TERF2IP: variants seen among roughly 807,000 people sequenced by gnomAD.
TERF2IP encodes the protein telomeric repeat-binding factor 2-interacting protein 1.
TERF2IP carries 35 observed loss-of-function variants against 33.3 expected under a neutral mutation model. The observed-to-expected ratio is 1.05, with a 90% CI of 0.80 to 1.39. TERF2IP has a LOEUF of 1.39. TERF2IP is among the 40% of genes most tolerant of loss of function. TERF2IP has a pLI of 0.00. For synonymous variants in TERF2IP, 253 were observed against 223.2 expected, an observed-to-expected ratio of 1.13 and a Z score of -1.19; for missense variants, 583 against 524.8, an observed-to-expected ratio of 1.11 and a Z score of -1.08.
At chr16:75,648,705 C>G (rs2082323340) in intron 1 of TERF2IP, 153 bp downstream of exon 1, 7 of 1,431,914 alleles carry the variant, frequency 4.9e-6, no homozygotes, top group Middle Eastern at 1.8e-4. Flanking sequence ...CATTTTCTTG[C>G]CTTCTCGCTC....
At chr16:75,648,593 G>A in intron 1 of TERF2IP, 41 bp downstream of exon 1, 1 of 1,486,044 alleles carries the variant, frequency 6.7e-7, no homozygotes, top group Non-Finnish European at 9.0e-7. Flanking sequence ...TATCTGCGCG[G>A]GTGGGGTTGG....
chr16:75,648,711 C>G (rs1162165720), intron 1 of TERF2IP, 159 bp downstream of exon 1: 22 of 1,431,488 alleles, frequency 1.5e-5, no homozygotes, highest in Non-Finnish European at 1.9e-5. Context: ...CTTGCCTTCT[C>G]GCTCCCTTGT....
chr16:75,654,993 G>A (rs1278453787), intron 2 of TERF2IP, among the ~76,000 whole-genome samples: 1 of 151,656 alleles, frequency 6.6e-6, no homozygotes, highest in Non-Finnish European at 1.5e-5. Flanking sequence ...CTCCCAAAGT[G>A]CTGGGATTAC....
rs768633460 is a variant in TERF2IP, at chr16:75,647,962, G to C, written c.80G>C (p.Ser27Thr). 8.7e-6 allele frequency: 14 copies of C among 1,613,808 alleles called. No homozygotes were observed. Among genetic ancestry groups the C allele is most frequent in the Middle Eastern group, 1.7e-4 (1 of 6,060 alleles). The change falls in exon 1 of 3, where the codon AGC becomes ACC. Residue 27 changes from serine to threonine, a missense_variant. Physicochemically the swap from Ser to Thr is moderately conservative, Grantham distance 58. Transcript: ENST00000300086. ...SSTLFVRDDG[S>T]SMSFYVRPSP... is the part of the protein sequence containing the mutation. ...ACTCTGTTCGTGAGGGACGACGGCAGCTCCATGTCCTTCTACGTGCGGCCC... is the reference window on the plus strand; with the variant it reads ...ACTCTGTTCGTGAGGGACGACGGCACCTCCATGTCCTTCTACGTGCGGCCC...
At position 75,656,677 on chromosome 16, in the gene TERF2IP, A is replaced by G. The variant is rs2082389785; in HGVS notation, c.*66A>G. 2 of 1,460,732 alleles carry G rather than the reference A, an allele frequency of 1.4e-6. No individual in the cohort carries two copies. Among genetic ancestry groups the G allele is most frequent in the Admixed American group, 2.2e-5 (1 of 45,332 alleles). 90.5% of individuals were successfully genotyped at this position (1,460,732 alleles called of 1,614,324 possible). A position where few individuals can be genotyped will look rare whatever the true frequency, so the allele number is the denominator to read the frequency against. On this transcript the variant is annotated 3_prime_UTR_variant, in exon 3 of 3. Coordinates refer to ENST00000300086, the MANE Select transcript of TERF2IP (RefSeq NM_018975.4). ...AGGTGGTTAAAAAAAATTGTGACCA[A>G]TGAACTTTAGAGAGTTCTTGCATTG...
chr16:75,648,861 G>A (rs2082324932), intron 1 of TERF2IP, among the ~76,000 whole-genome samples: 1 of 150,648 alleles, frequency 6.6e-6, no homozygotes, highest in Non-Finnish European at 1.5e-5. Context: ...GCCTCTCGTC[G>A]TTTTTATTTT....
At chr16:75,655,942 A>T (rs1288612028) in intron 2 of TERF2IP, among the ~76,000 whole-genome samples, 1 of 152,134 alleles carries the variant, frequency 6.6e-6, no homozygotes, top group Non-Finnish European at 1.5e-5. Context: ...ACTATAGTCA[A>T]TTATACACAC....
At chr16:75,653,979 C>G (rs575408571) in intron 1 of TERF2IP, among the ~76,000 whole-genome samples, 3 of 152,128 alleles carry the variant, frequency 2.0e-5, no homozygotes, top group African/African-American at 7.2e-5. Context: ...AAGTCTGTAA[C>G]TACAAAGCAA....
rs140028318 is a variant in TERF2IP at position 75,654,436 on chromosome 16, C to T, written c.795+39C>T. ...ATTTACTCATTATTTTTTTCCCTAC[C>T]TTCATTCTTCTTTGAAACTGGTTAT... On this transcript the variant is annotated intron_variant, in intron 2 of 2. Transcript: ENST00000300086. 1.7e-3 allele frequency: 2,766 copies of T among 1,595,218 alleles called. 52 individuals are homozygous for T. The highest frequency in any genetic ancestry group is 7.5e-3 in the East Asian group (332 of 44,442).
At chr16:75,653,647 G>A (rs1314375571) in intron 1 of TERF2IP, among the ~76,000 whole-genome samples, 1 of 152,124 alleles carries the variant, frequency 6.6e-6, no homozygotes, top group Non-Finnish European at 1.5e-5. Context: ...TCTGCCTTTG[G>A]CTGCTAGGAG....
rs1306786292 is a variant in TERF2IP, at chr16:75,654,517, A to G, written c.795+120A>G. The G allele has an allele frequency of 4.6e-6, 5 of 1,093,744 alleles. No individual in the cohort carries two copies. The African/African-American group carries it at 6.3e-5, about 14-fold the overall frequency. The allele number at this position is 1,093,744 out of a possible 1,614,324, so 67.8% of individuals were successfully genotyped here. On this transcript the variant is annotated intron_variant, in intron 2 of 2. Coordinates refer to ENST00000300086, the MANE Select transcript of TERF2IP (RefSeq NM_018975.4). ...CAGGAAAGTGAGAGAGGAGTTCAAG[A>G]TGGAAAGGGAAAATGGAAAATGGGA...
At chr16:75,654,150 A>G (rs1024467015) in intron 1 of TERF2IP, 123 bp from the exon 2 acceptor site, 1 of 54,580 alleles carries the variant, frequency 1.8e-5, no homozygotes, top group Non-Finnish European at 4.4e-5. Context: ...TCTGATAGTA[A>G]AAAAAAAAAA....
At chr16:75,651,788 T>A (rs1015759402) in intron 1 of TERF2IP, among the ~76,000 whole-genome samples, 1 of 152,146 alleles carries the variant, frequency 6.6e-6, no homozygotes, top group African/African-American at 2.4e-5. Flanking sequence ...ATAATAAATA[T>A]GTGTGTTGGA....
In TERF2IP at chr16:75,647,950, G is replaced by A. The variant is rs1206211308; in HGVS notation, c.68G>A (p.Arg23Lys). 6.2e-7 allele frequency: 1 copy of A among 1,613,704 alleles called. No homozygotes were observed. The highest frequency in any genetic ancestry group is 1.1e-5 in the South Asian group (1 of 91,078). The change falls in exon 1 of 3, where the codon AGG becomes AAG. Residue 23 changes from arginine to lysine, a missense_variant. By Grantham distance (26) the Arg-to-Lys change is conservative. Coordinates refer to ENST00000300086, the MANE Select transcript of TERF2IP (RefSeq NM_018975.4). ...ACCCATTCCTCGACTCTGTTCGTGA[G>A]GGACGACGGCAGCTCCATGTCCTTC... ...GPTHSSTLFV[R>K]DDGSSMSFYV...
chr16:75,648,570 G>A lies in TERF2IP; in HGVS notation c.670+18G>A, dbSNP rs1309026120. 2.6e-6 allele frequency: 4 copies of A among 1,515,504 alleles called. No homozygotes were observed. The highest frequency in any genetic ancestry group is 2.7e-6 in the Non-Finnish European group (3 of 1,127,196). 93.9% of individuals were successfully genotyped at this position (1,515,504 alleles called of 1,614,324 possible). A position where few individuals can be genotyped will look rare whatever the true frequency, so the allele number is the denominator to read the frequency against. On this transcript the variant is annotated intron_variant, in intron 1 of 2. Coordinates refer to ENST00000300086, the MANE Select transcript of TERF2IP (RefSeq NM_018975.4). ...TAGCGGGGGTGAGGAGGCTGAGCGC[G>A]GGGCCTCGCGGATATCTGCGCGGGT... is the stretch of plus-strand genomic sequence containing the variant.
rs1213365835 is a variant in TERF2IP at position 75,656,289 on chromosome 16, C to T, written c.878C>T (p.Thr293Ile). Residue 293 changes from threonine (T) to isoleucine (I), a missense_variant, in exon 3 of 3, where the codon ACA becomes ATA. Thr to Ile is a moderately conservative substitution (Grantham distance 89). Coordinates refer to ENST00000300086, the MANE Select transcript of TERF2IP (RefSeq NM_018975.4). ...CCCACACCTGAGGAAGACTCAGAAACACAGCCTGATGAGGAGGAAGAAGAA... is the reference window on the plus strand; with the variant it reads ...CCCACACCTGAGGAAGACTCAGAAATACAGCCTGATGAGGAGGAAGAAGAA... ...DPPTPEEDSETQPDEEEEEEE... is the reference protein window; with the variant it reads ...DPPTPEEDSEIQPDEEEEEEE... 2 of 1,614,086 alleles carry T rather than the reference C, an allele frequency of 1.2e-6. No homozygotes were observed.
intron 1 of TERF2IP, 62 bp from the exon 2 acceptor site, chr16:75,654,211 A>G (rs2082367566): frequency 2.7e-6 from 4 of 1,479,054 alleles, no homozygotes. Context: ...CACACAGCAA[A>G]TATATTTTTG....
intron 1 of TERF2IP, among the ~76,000 whole-genome samples, chr16:75,649,954 C>G (rs1299370023): frequency 1.3e-5 from 2 of 152,168 alleles, no homozygotes; most frequent in Non-Finnish European, 2.9e-5. Context: ...CCGTAATCCT[C>G]CCACCTTTTC....
rs1366832555 is a variant in TERF2IP at position 75,657,409 on chromosome 16, AAAT to A, written c.*801_*803del. On this transcript the variant is annotated 3_prime_UTR_variant, in exon 3 of 3. Coordinates refer to ENST00000300086, the MANE Select transcript of TERF2IP (RefSeq NM_018975.4). Reference sequence around the variant, plus strand: ...TTTGTTGTGTTGTTTTCATTGTTGAAAATAAATATAACTTTGTATTCGAGTCTC... The same window carrying A: ...TTTGTTGTGTTGTTTTCATTGTTGAAAAATATAACTTTGTATTCGAGTCTC... The A allele has an allele frequency of 2.0e-5, 3 of 152,232 alleles. No individual in the cohort carries two copies. The highest frequency in any genetic ancestry group is 7.2e-5 in the African/African-American group (3 of 41,456). The allele number at this position is 152,232 out of a possible 1,614,324, so 9.4% of individuals were successfully genotyped here.
Sources: allele counts gnomAD v4.1 joint callset (sites outside exome capture counted in the v4.1 genomes callset), GRCh38; gene constraint gnomAD v4.1.1; transcripts MANE v1.5; gene names NCBI Gene and HGNC (gene_info 2026-07-23, HGNC 2026-07-21).